SPON1: variants seen among roughly 807,000 people sequenced by gnomAD.
SPON1 encodes spondin 1, also known as spondin-1.
In SPON1, 52 loss-of-function variants were observed where a neutral mutation model predicts 111.7. That is an observed-to-expected ratio of 0.47 (90% CI 0.37 to 0.59). SPON1 has a LOEUF of 0.59. SPON1 is among the 20% of genes least tolerant of loss of function. The pLI, the probability that SPON1 is intolerant of heterozygous loss-of-function variation, is 0.00. For missense variants in SPON1, 957 were observed against 1,068.5 expected (o/e 0.90, Z 1.46); for synonymous variants, 410 against 395.8 (o/e 1.04, Z -0.43).
intron 2 of SPON1, among the ~76,000 whole-genome samples, chr11:13,996,222 C>G (rs537300981): frequency 6.6e-6 from 1 of 152,152 alleles, no homozygotes; most frequent in Non-Finnish European, 1.5e-5. Flanking sequence ...GTCCCTTCCC[C>G]TTCCCTTGAG....
At position 14,169,415 on chromosome 11, in the gene SPON1, T is replaced by A. The variant is rs1374589927; in HGVS notation, c.825+33847T>A. Among the ~76,000 whole-genome samples the A allele has an allele frequency of 3.9e-5, 6 of 151,958 alleles. No homozygotes were observed. The East Asian group carries it at 7.7e-4, about 20-fold the overall frequency. The stretch of plus-strand genomic sequence containing the variant: ...GGATATTAGCCCTTTGTCAGATGAG[T>A]AGGTTGCAAAAATTTTCTCCCATTC... On this transcript the variant is annotated intron_variant, in intron 6 of 15. Transcript: ENST00000576479.
chr11:14,045,359 C>T (rs1554917742), intron 3 of SPON1, among the ~76,000 whole-genome samples: 1 of 152,082 alleles, frequency 6.6e-6, no homozygotes. Flanking sequence ...GGCAGATCGC[C>T]TGAGGTCGGG....
intron 2 of SPON1, among the ~76,000 whole-genome samples, chr11:13,995,684 G>C (rs1040418080): frequency 1.3e-5 from 2 of 152,126 alleles, no homozygotes; most frequent in Non-Finnish European, 2.9e-5. Context: ...GTATTAGGAG[G>C]TCAAAGTCTA....
intron 3 of SPON1, among the ~76,000 whole-genome samples, chr11:14,046,676 T>G (rs782554607): frequency 1.6e-4 from 25 of 152,218 alleles, no homozygotes; most frequent in Non-Finnish European, 3.1e-4. Flanking sequence ...GTCTTCTAGT[T>G]CAAACTGTTC....
intron 2 of SPON1, among the ~76,000 whole-genome samples, chr11:14,012,335 G>T (rs1197166813): frequency 6.6e-6 from 1 of 152,156 alleles, no homozygotes; most frequent in Non-Finnish European, 1.5e-5. Flanking sequence ...ACAGGACCAA[G>T]ATGGGAAGGC....
At position 14,092,980 on chromosome 11, in the gene SPON1, C is replaced by T. The variant is rs551099746; in HGVS notation, c.676+12959C>T. Among the ~76,000 whole-genome samples the T allele has an allele frequency of 2.0e-5, 3 of 152,292 alleles. No individual in the cohort carries two copies. The South Asian group carries it at 6.2e-4, about 32-fold the overall frequency. Reference sequence around the variant, plus strand: ...TCTGCAGAAAAATTAGTATCTTATACACAAAGCATCTTTTAATAAGGCCCT... The same window carrying T: ...TCTGCAGAAAAATTAGTATCTTATATACAAAGCATCTTTTAATAAGGCCCT... On this transcript the variant is annotated intron_variant, in intron 5 of 15. Coordinates refer to ENST00000576479, the MANE Select transcript of SPON1 (RefSeq NM_006108.4).
At chr11:14,195,943 A>G (rs1848397021) in intron 6 of SPON1, among the ~76,000 whole-genome samples, 1 of 152,182 alleles carries the variant, frequency 6.6e-6, no homozygotes, top group Admixed American at 6.6e-5. Context: ...AGTGCTTTTA[A>G]TACATACTAC....
intron 7 of SPON1, among the ~76,000 whole-genome samples, chr11:14,253,200 T>A (rs764540503): frequency 8.5e-5 from 13 of 152,252 alleles, no homozygotes; most frequent in Non-Finnish European, 1.5e-4. Context: ...GAACCTAGAC[T>A]GGCATCAGGC....
intron 6 of SPON1, among the ~76,000 whole-genome samples, chr11:14,145,058 G>T (rs533796047): frequency 6.6e-6 from 1 of 152,254 alleles, no homozygotes; most frequent in East Asian, 1.9e-4. Flanking sequence ...ATAGGGTAAG[G>T]AGTCAAATAA....
intron 5 of SPON1, among the ~76,000 whole-genome samples, chr11:14,114,929 C>T (rs1554925844): frequency 6.6e-6 from 1 of 152,208 alleles, no homozygotes; most frequent in Non-Finnish European, 1.5e-5. Context: ...CAAACTCTCT[C>T]TTTACCAAGC....
chr11:13,981,223 A>T lies in SPON1; in HGVS notation c.239-1624A>T, dbSNP rs12287254. On this transcript the variant is annotated intron_variant, in intron 1 of 15. Coordinates refer to ENST00000576479, the MANE Select transcript of SPON1 (RefSeq NM_006108.4). ...AAGAATTGCAATTCAGTTCAAAAAA[A>T]TACTGCAATAAAAGATTTCCATCTC... Among the ~76,000 whole-genome samples the T allele has an allele frequency of 3.3e-3, 504 of 152,368 alleles. 1 individual carries two copies. Among genetic ancestry groups the T allele is most frequent in the African/African-American group, 0.011 (475 of 41,584 alleles).
intron 5 of SPON1, among the ~76,000 whole-genome samples, chr11:14,083,363 T>C (rs1212138477): frequency 6.6e-6 from 1 of 152,232 alleles, no homozygotes; most frequent in Non-Finnish European, 1.5e-5. Flanking sequence ...CATATGGCTA[T>C]GTAATTGGAA....
At chr11:14,192,307 A>T (rs1421717705) in intron 6 of SPON1, among the ~76,000 whole-genome samples, 1 of 151,420 alleles carries the variant, frequency 6.6e-6, no homozygotes, top group Non-Finnish European at 1.5e-5. Context: ...CCTACTTGGC[A>T]CTCTGCTAGG....
chr11:14,224,767 G>A (rs782362730), intron 6 of SPON1: 12 of 498,808 alleles, frequency 2.4e-5, no homozygotes, highest in South Asian at 7.5e-5. Flanking sequence ...ATATGAGGCC[G>A]GAGAAGTAGG....
At chr11:14,031,088 A>G (rs1848555513) in intron 2 of SPON1, among the ~76,000 whole-genome samples, 1 of 152,204 alleles carries the variant, frequency 6.6e-6, no homozygotes. Flanking sequence ...ATCCGAAGCA[A>G]ATTAACTCAG....
At chr11:14,249,379 C>T (rs193137655) in intron 7 of SPON1, among the ~76,000 whole-genome samples, 2 of 152,290 alleles carry the variant, frequency 1.3e-5, no homozygotes, top group Admixed American at 1.3e-4. Flanking sequence ...GACAGAGAAG[C>T]AGGTGGTAGG....
intron 2 of SPON1, among the ~76,000 whole-genome samples, chr11:14,015,006 A>G (rs1423574801): frequency 6.6e-6 from 1 of 152,096 alleles, no homozygotes; most frequent in Non-Finnish European, 1.5e-5. Flanking sequence ...TTGTCTGTCT[A>G]TGGAGAAAAT....
intron 6 of SPON1, among the ~76,000 whole-genome samples, chr11:14,160,195 A>G (rs186708620): frequency 6.7e-6 from 1 of 149,992 alleles, no homozygotes; most frequent in Non-Finnish European, 1.5e-5. Context: ...AATTTTTTTT[A>G]AAAAGAAAAG....
intron 7 of SPON1, among the ~76,000 whole-genome samples, chr11:14,249,025 T>C (rs1425077643): frequency 6.6e-6 from 1 of 152,222 alleles, no homozygotes; most frequent in Admixed American, 6.5e-5. Flanking sequence ...ATTCTGAATG[T>C]CCATCATCCA....
Sources: gnomAD v4.1 joint callset for allele counts (sites outside exome capture counted in the v4.1 genomes callset) on GRCh38, gnomAD v4.1.1 for gene constraint, MANE v1.5 for transcripts, NCBI Gene and HGNC (gene_info 2026-07-23, HGNC 2026-07-21) for gene names.